WDR82: variants seen among roughly 807,000 people sequenced by gnomAD.
WDR82 encodes WD repeat-containing protein 82.
Under a neutral mutation model 36.1 loss-of-function variants are expected in WDR82, and 8 were observed. The observed-to-expected ratio is 0.22, with a 90% confidence interval of 0.13 to 0.40. WDR82 has a LOEUF of 0.40. Ranked by LOEUF, WDR82 falls within the 10% of genes least tolerant of loss-of-function variation. The probability of loss-of-function intolerance (pLI) is 1.00; values close to 1 mark genes in which losing one functional copy is unlikely to be tolerated. For missense variants in WDR82, 185 were observed against 400.5 expected (o/e 0.46, Z 4.59); for synonymous variants, 129 against 137.8 (o/e 0.94, Z 0.45).
At chr3:52,270,173 G>T (rs919642967) in intron 2 of WDR82, among the ~76,000 whole-genome samples, 1 of 152,198 alleles carries the variant, frequency 6.6e-6, no homozygotes, top group Non-Finnish European at 1.5e-5. Flanking sequence ...AGGCTGGAGT[G>T]CAATGGCGTG....
rs1388324778 is a variant in WDR82, at chr3:52,260,336, A to G, written c.543+49T>C. On this transcript the variant is annotated intron_variant, in intron 5 of 8. Transcript: ENST00000296490. ...AAGAGCAAAACTCTGTCTCAAAAAC[A>G]AAACAAAACAAAAAACAGCTCAAAG... 3.5e-6 allele frequency: 5 copies of G among 1,423,280 alleles called. No homozygotes were observed. In the East Asian group the frequency reaches 7.6e-5, roughly 22 times the overall value. 88.2% of individuals were successfully genotyped at this position (1,423,280 alleles called of 1,614,324 possible).
In WDR82 at chr3:52,261,019, G is replaced by A. The variant is rs141451288; in HGVS notation, c.426+361C>T. 2.6e-5 allele frequency among the ~76,000 whole-genome samples: 4 copies of A among 152,326 alleles called. No individual in the cohort carries two copies. In the East Asian group the frequency reaches 7.7e-4, roughly 29 times the overall value. On this transcript the variant is annotated intron_variant, in intron 4 of 8. Coordinates refer to ENST00000296490, the MANE Select transcript of WDR82 (RefSeq NM_025222.4). The stretch of plus-strand genomic sequence containing the variant: ...GCATGACTGTAATCCCAGCTACTTG[G>A]GAGGCTGAGGCAGAAGAATCGCTTG...
intron 1 of WDR82, 133 bp downstream of exon 1, chr3:52,278,068 A>T: frequency 2.3e-6 from 2 of 883,316 alleles, no homozygotes; most frequent in Non-Finnish European, 3.1e-6. Context: ...TGCGGGGTGG[A>T]GGCGGCCCTG....
chr3:52,272,983 C>A (rs575732340), intron 1 of WDR82, among the ~76,000 whole-genome samples: 11 of 152,324 alleles, frequency 7.2e-5, no homozygotes, highest in African/African-American at 2.6e-4. Context: ...GGCTACTTTG[C>A]CAAGTGCACT....
At chr3:52,259,130 ATAATT>A in intron 7 of WDR82, 62 bp downstream of exon 7, 4 of 1,397,492 alleles carry the variant, frequency 2.9e-6, no homozygotes, top group Non-Finnish European at 4.0e-6. Context: ...GTCTCAGTTA[ATAATT>A]TAAACAAAGA....
intron 1 of WDR82, among the ~76,000 whole-genome samples, chr3:52,274,947 GC>G (rs1700189715): frequency 6.6e-6 from 1 of 152,058 alleles, no homozygotes; most frequent in Non-Finnish European, 1.5e-5. Flanking sequence ...GAAAGGCCGG[GC>G]GCAGTGGCTC....
chr3:52,270,538 T>C (rs1303679156), intron 2 of WDR82, among the ~76,000 whole-genome samples, 174 bp downstream of exon 2: 1 of 152,260 alleles, frequency 6.6e-6, no homozygotes, highest in Non-Finnish European at 1.5e-5. Context: ...CCTTCAAAAG[T>C]GCCAATGGCT....
chr3:52,256,235 A>C lies in WDR82; in HGVS notation c.*1255T>G, dbSNP rs1397467359. On this transcript the variant is annotated 3_prime_UTR_variant, in exon 9 of 9. Coordinates refer to ENST00000296490, the MANE Select transcript of WDR82 (RefSeq NM_025222.4). ...TGAAATGAAAATATTAATAAGGAAG[A>C]CTCACTAATACTTGTGGCAAACACT... is the stretch of plus-strand genomic sequence containing the variant. 6.5e-6 allele frequency: 1 copy of C among 153,608 alleles called. No individual in the cohort carries two copies. 9.5% of individuals were successfully genotyped at this position (153,608 alleles called of 1,614,324 possible).
chr3:52,258,735 G>A, intron 7 of WDR82, 57 bp from the exon 8 acceptor site: 2 of 1,608,824 alleles, frequency 1.2e-6, no homozygotes, highest in African/African-American at 1.3e-5. Context: ...AAAGACAACT[G>A]GAAATGAGAC....
At chr3:52,265,087 G>A (rs1274448284) in intron 3 of WDR82, among the ~76,000 whole-genome samples, 4 of 151,778 alleles carry the variant, frequency 2.6e-5, no homozygotes, top group South Asian at 2.1e-4. Flanking sequence ...AGGCTGAGGC[G>A]GGCGGATCAG....
chr3:52,257,631 G>C (rs1156748121), intron 8 of WDR82, 112 bp from the exon 9 acceptor site: 4 of 1,327,182 alleles, frequency 3.0e-6, no homozygotes, highest in Non-Finnish European at 4.3e-6. Flanking sequence ...GGCTCTGGTA[G>C]CCCTCTCTCC....
intron 3 of WDR82, 99 bp from the exon 4 acceptor site, chr3:52,261,578 G>T: frequency 1.1e-6 from 1 of 887,186 alleles, no homozygotes; most frequent in Non-Finnish European, 1.6e-6. Flanking sequence ...ATATATACCT[G>T]TTCTCCCAAA....
In WDR82 at chr3:52,261,284, T is replaced by C. The variant is rs1700059125; in HGVS notation, c.426+96A>G. 4.5e-6 allele frequency: 5 copies of C among 1,106,822 alleles called. No individual in the cohort carries two copies. The East Asian group carries it at 1.2e-4, about 28-fold the overall frequency. 68.6% of individuals were successfully genotyped at this position (1,106,822 alleles called of 1,614,324 possible). On this transcript the variant is annotated intron_variant, in intron 4 of 8. Coordinates refer to ENST00000296490, the MANE Select transcript of WDR82 (RefSeq NM_025222.4). ...TTAAAAAGACCCTGTGATCCCAGAA[T>C]GGAACCACTGTTTTCTCCCTTCTTT...
At chr3:52,262,331 A>G (rs894083127) in intron 3 of WDR82, among the ~76,000 whole-genome samples, 2 of 152,242 alleles carry the variant, frequency 1.3e-5, no homozygotes, top group Non-Finnish European at 2.9e-5. Flanking sequence ...TAGTTGTCCA[A>G]CTTTGCAAAT....
In WDR82 at chr3:52,278,442, C is replaced by T. The variant is rs1168057219; in HGVS notation, c.-81G>A. 7.9e-6 allele frequency: 9 copies of T among 1,146,008 alleles called. No homozygotes were observed. The highest frequency in any genetic ancestry group is 3.8e-5 in the East Asian group (1 of 26,318). The allele number at this position is 1,146,008 out of a possible 1,614,324, so 71.0% of individuals were successfully genotyped here. ...AGCGGGCGGGCTGCCGAGGGGCCAA[C>T]CCAGGCGGGGCGGGCGCCGCGCCGG... On this transcript the variant is annotated 5_prime_UTR_variant, in exon 1 of 9. Transcript: ENST00000296490.
chr3:52,257,395 G>C lies in WDR82; in HGVS notation c.*95C>G. 5 of 1,549,648 alleles carry C rather than the reference G, an allele frequency of 3.2e-6. No individual in the cohort carries two copies. Among genetic ancestry groups the C allele is most frequent in the Non-Finnish European group, 4.5e-6 (5 of 1,122,058 alleles). On this transcript the variant is annotated 3_prime_UTR_variant, in exon 9 of 9. Transcript: ENST00000296490. ...ATGTAAAAGGATGTTCTCCAGCCCAGTCAAATGATCCAATCCCACTATTAT... is the reference window on the plus strand; with the variant it reads ...ATGTAAAAGGATGTTCTCCAGCCCACTCAAATGATCCAATCCCACTATTAT...
In WDR82 at chr3:52,255,289, C is replaced by G. The variant is rs1194289127; in HGVS notation, c.*2201G>C. ...AACATGGTGCTCAGTTTTGGACACA[C>G]AGGAACTCAAATACAATCATTTTCC... On this transcript the variant is annotated 3_prime_UTR_variant, in exon 9 of 9. Coordinates refer to ENST00000296490, the MANE Select transcript of WDR82 (RefSeq NM_025222.4). The G allele has an allele frequency of 1.3e-5, 2 of 151,958 alleles. No homozygotes were observed. The highest frequency in any genetic ancestry group is 6.6e-5 in the Admixed American group (1 of 15,252). The allele number at this position is 151,958 out of a possible 1,614,324, so 9.4% of individuals were successfully genotyped here. A position where few individuals can be genotyped will look rare whatever the true frequency, so the allele number is the denominator to read the frequency against.
At chr3:52,260,156 C>A (rs991311487) in intron 5 of WDR82, among the ~76,000 whole-genome samples, 6 of 152,062 alleles carry the variant, frequency 3.9e-5, no homozygotes, top group African/African-American at 1.5e-4. Context: ...CATGGTGAAA[C>A]CCATCTCTAC....
intron 1 of WDR82, among the ~76,000 whole-genome samples, chr3:52,272,373 A>C (rs1164954677): frequency 2.6e-5 from 4 of 151,738 alleles, no homozygotes; most frequent in South Asian, 2.1e-4. Flanking sequence ...GCGAAACGCT[A>C]TCTCTACTAA....
Sources: allele counts gnomAD v4.1 joint callset (sites outside exome capture counted in the v4.1 genomes callset), GRCh38; gene constraint gnomAD v4.1.1; transcripts MANE v1.5; gene names NCBI Gene and HGNC (gene_info 2026-07-23, HGNC 2026-07-21).